The following IFTAP variants were observed in gnomAD, a reference collection of about 807,000 sequenced individuals.
IFTAP encodes intraflagellar transport associated protein.
A neutral mutation model predicts 19.4 loss-of-function variants in IFTAP; 19 were observed. That is an observed-to-expected ratio of 0.98 (90% confidence interval 0.68 to 1.44). IFTAP has a LOEUF of 1.44. Ranked by LOEUF, IFTAP falls within the 40% of genes most tolerant of loss-of-function variation. IFTAP has a pLI of 0.00. For synonymous variants in IFTAP, 85 were observed against 83.5 expected (o/e 1.02, Z -0.10); for missense variants, 240 against 253.6 (o/e 0.95, Z 0.36).
chr11:36,622,032 C>T (rs1442082288), intron 2 of IFTAP, among the ~76,000 whole-genome samples: 1 of 150,838 alleles, frequency 6.6e-6, no homozygotes, highest in Non-Finnish European at 1.5e-5. Flanking sequence ...ATGATTAGAA[C>T]AGTGGATTTT....
chr11:36,655,106 CTT>C (rs148774214), intron 5 of IFTAP, among the ~76,000 whole-genome samples: 1,914 of 152,168 alleles, frequency 0.013, 34 homozygotes, highest in African/African-American at 0.044. Context: ...TCTTCAGTGA[CTT>C]TTCATCATCT....
At chr11:36,647,944 TG>T in intron 4 of IFTAP, 71 bp from the exon 5 acceptor site, 1 of 1,542,662 alleles carries the variant, frequency 6.5e-7, no homozygotes, top group Non-Finnish European at 8.8e-7. Context: ...CTTCGACTTC[TG>T]GGCATTTAAA....
intron 2 of IFTAP, among the ~76,000 whole-genome samples, chr11:36,619,026 G>C (rs1852200961): frequency 6.6e-6 from 1 of 151,970 alleles, no homozygotes; most frequent in Admixed American, 6.6e-5. Flanking sequence ...AGTCAAGGAA[G>C]AGTCACAGGT....
intron 5 of IFTAP, among the ~76,000 whole-genome samples, chr11:36,656,738 T>C (rs1464883478): frequency 6.6e-6 from 1 of 152,100 alleles, no homozygotes; most frequent in Non-Finnish European, 1.5e-5. Context: ...GATTTTGCTA[T>C]AATCACTTTA....
chr11:36,645,317 C>T (rs1590230841), intron 4 of IFTAP, among the ~76,000 whole-genome samples: 1 of 152,076 alleles, frequency 6.6e-6, no homozygotes, highest in African/African-American at 2.4e-5. Context: ...AATTTCTAAA[C>T]ACGTGGTTGA....
intron 2 of IFTAP, among the ~76,000 whole-genome samples, chr11:36,611,064 A>G (rs540235426): frequency 6.6e-6 from 1 of 152,260 alleles, no homozygotes; most frequent in South Asian, 2.1e-4. Flanking sequence ...AATATCAACT[A>G]GAGCTCAGGA....
chr11:36,642,940 A>C (rs1002497997), intron 4 of IFTAP, among the ~76,000 whole-genome samples: 2 of 152,212 alleles, frequency 1.3e-5, no homozygotes, highest in Admixed American at 6.5e-5. Flanking sequence ...CCCTTTGAAA[A>C]CTGGCACAAG....
intron 5 of IFTAP, among the ~76,000 whole-genome samples, chr11:36,651,627 C>T (rs941605229): frequency 9.9e-5 from 15 of 152,106 alleles, no homozygotes; most frequent in African/African-American, 3.6e-4. Flanking sequence ...AGTCCTTGCC[C>T]ATGCCTATGT....
intron 5 of IFTAP, 100 bp downstream of exon 5, chr11:36,648,255 G>T: frequency 7.1e-7 from 1 of 1,412,898 alleles, no homozygotes; most frequent in Non-Finnish European, 9.5e-7. Context: ...CTAACATTTG[G>T]GAAAATATAA....
rs769562672 is a variant in IFTAP, at chr11:36,633,235, G to C, written c.137-49G>C. ...TTCTCAATATACACAAAATAAACCA[G>C]ACTTGGTATTGTGGATGTTTTCTAA... On this transcript the variant is annotated intron_variant, in intron 2 of 5. Transcript: ENST00000334307. 39 of 1,382,968 alleles carry C rather than the reference G, an allele frequency of 2.8e-5. No individual in the cohort carries two copies. In the East Asian group the frequency reaches 9.6e-4, roughly 34 times the overall value. 85.7% of individuals were successfully genotyped at this position (1,382,968 alleles called of 1,614,324 possible). A position where few individuals can be genotyped will look rare whatever the true frequency, so the allele number is the denominator to read the frequency against.
At chr11:36,630,057 CAGA>C (rs1243494127) in intron 2 of IFTAP, among the ~76,000 whole-genome samples, 2 of 151,092 alleles carry the variant, frequency 1.3e-5, no homozygotes, top group Non-Finnish European at 2.9e-5. Context: ...AAAACAGAAA[CAGA>C]AGAAGATGAG....
At chr11:36,602,373 G>C (rs1189356266) in intron 1 of IFTAP, among the ~76,000 whole-genome samples, 2 of 152,180 alleles carry the variant, frequency 1.3e-5, no homozygotes, top group Non-Finnish European at 2.9e-5. Context: ...TGTGCAGGTG[G>C]CTAACAGGCT....
chr11:36,634,024 A>G (rs1158630141), intron 3 of IFTAP, among the ~76,000 whole-genome samples: 1 of 152,148 alleles, frequency 6.6e-6, no homozygotes, highest in Non-Finnish European at 1.5e-5. Flanking sequence ...AATATTGTGG[A>G]CAGAATTGTA....
intron 5 of IFTAP, among the ~76,000 whole-genome samples, chr11:36,653,535 G>A (rs1287636948): frequency 6.6e-6 from 1 of 152,086 alleles, no homozygotes; most frequent in Non-Finnish European, 1.5e-5. Context: ...GCATCTTATA[G>A]CTTTGAACTC....
At chr11:36,643,083 T>C (rs1488833204) in intron 4 of IFTAP, among the ~76,000 whole-genome samples, 2 of 152,234 alleles carry the variant, frequency 1.3e-5, no homozygotes, top group Admixed American at 6.5e-5. Flanking sequence ...TGTTTGCAGA[T>C]GATATGATTG....
At chr11:36,643,819 CT>C (rs1188865166) in intron 4 of IFTAP, among the ~76,000 whole-genome samples, 1 of 152,166 alleles carries the variant, frequency 6.6e-6, no homozygotes, top group Non-Finnish European at 1.5e-5. Context: ...AACTGGATCC[CT>C]TCCTTACACC....
chr11:36,618,365 GTTC>G (rs1265669900), intron 2 of IFTAP, among the ~76,000 whole-genome samples: 1 of 152,018 alleles, frequency 6.6e-6, no homozygotes, highest in Non-Finnish European at 1.5e-5. Flanking sequence ...GCATCGGGCA[GTTC>G]TTCTCAAGAC....
intron 2 of IFTAP, among the ~76,000 whole-genome samples, chr11:36,626,923 A>G (rs1046647999): frequency 4.6e-5 from 7 of 151,174 alleles, no homozygotes; most frequent in African/African-American, 1.2e-4. Context: ...TTAAGGGGGT[A>G]CAGAATGTGG....
At chr11:36,630,693 G>A (rs1852693735) in intron 2 of IFTAP, among the ~76,000 whole-genome samples, 1 of 151,338 alleles carries the variant, frequency 6.6e-6, no homozygotes, top group Non-Finnish European at 1.5e-5. Flanking sequence ...AGACATTGCT[G>A]TGCTTTTCAA....
Sources: gnomAD v4.1 joint callset for allele counts (sites outside exome capture counted in the v4.1 genomes callset) on GRCh38, gnomAD v4.1.1 for gene constraint, MANE v1.5 for transcripts, NCBI Gene and HGNC (gene_info 2026-07-23, HGNC 2026-07-21) for gene names.